Variants in CATSPERE observed in about 807,000 individuals in gnomAD.
CATSPERE encodes the protein cation channel sperm-associated auxiliary subunit epsilon.
In CATSPERE, 93 loss-of-function variants were observed where a neutral mutation model predicts 114.1. The observed-to-expected ratio is 0.81, with a 90% CI of 0.69 to 0.97. The LOEUF is 0.97. Ranked by LOEUF, CATSPERE falls within the 50% of genes least tolerant of loss-of-function variation. CATSPERE has a pLI of 0.00. For missense variants in CATSPERE, 1,058 were observed against 1,131.6 expected (o/e 0.93, Z 0.93); for synonymous variants, 341 against 384.1 (o/e 0.89, Z 1.31).
intron 19 of CATSPERE, among the ~76,000 whole-genome samples, chr1:244,614,846 A>G (rs1269951247): frequency 1.3e-5 from 2 of 152,084 alleles, no homozygotes; most frequent in African/African-American, 4.8e-5. Flanking sequence ...CATGTAATAT[A>G]TGCATGTAAA....
At position 244,562,817 on chromosome 1, in the gene CATSPERE, G is replaced by A. The variant is rs1379363245; in HGVS notation, c.1507+1672G>A. Among the ~76,000 whole-genome samples, 9 of 152,136 alleles carry A rather than the reference G, an allele frequency of 5.9e-5. No individual in the cohort carries two copies. The East Asian group carries it at 1.2e-3, about 20-fold the overall frequency. On this transcript the variant is annotated intron_variant, in intron 10 of 21. Coordinates refer to ENST00000366534, the MANE Select transcript of CATSPERE (RefSeq NM_001130957.2). ...TGTTACATAGGTATACACGTGCCATGGTGGTTGACTGCACCCAGCAACCTG... is the reference window on the plus strand; with the variant it reads ...TGTTACATAGGTATACACGTGCCATAGTGGTTGACTGCACCCAGCAACCTG...
chr1:244,595,854 A>C (rs1668333023), intron 17 of CATSPERE, among the ~76,000 whole-genome samples: 1 of 152,090 alleles, frequency 6.6e-6, no homozygotes. Context: ...AATGGCGTGA[A>C]CCCAGGAGGC....
intron 17 of CATSPERE, among the ~76,000 whole-genome samples, chr1:244,596,177 C>T (rs895836998): frequency 2.0e-5 from 3 of 152,146 alleles, no homozygotes; most frequent in Admixed American, 6.5e-5. Flanking sequence ...ACATTCCCAC[C>T]GGCACCATGA....
chr1:244,580,203 AT>A (rs1290475992), intron 11 of CATSPERE, among the ~76,000 whole-genome samples: 1 of 141,152 alleles, frequency 7.1e-6, no homozygotes, highest in Non-Finnish European at 1.5e-5. Flanking sequence ...TGCCTGGCTA[AT>A]TTTTGTATTT....
upstream of CATSPERE, chr1:244,451,974 C>T: frequency 2.8e-6 from 2 of 714,358 alleles, no homozygotes; most frequent in Non-Finnish European, 4.3e-6. This position sits in a 1 kb window ranked among gnomAD's most constrained non-coding sequence, Gnocchi z 6.6. Flanking sequence ...AGCCAGTCCC[C>T]GCCCCGCTCT....
At chr1:244,461,270 C>T, upstream of CATSPERE, 3 of 538,426 alleles carry the variant, frequency 5.6e-6, no homozygotes, top group Non-Finnish European at 8.5e-6. Flanking sequence ...CACGCGCACG[C>T]GCACACTTCT....
chr1:244,479,239 A>G (rs565764218), intron 4 of CATSPERE, among the ~76,000 whole-genome samples: 1 of 151,966 alleles, frequency 6.6e-6, no homozygotes, highest in East Asian at 2.0e-4. Flanking sequence ...GATTACAGGC[A>G]TGTGCCACCA....
chr1:244,490,333 T>C, intron 5 of CATSPERE, 114 bp from the exon 6 acceptor site: 1 of 640,482 alleles, frequency 1.6e-6, no homozygotes, highest in Non-Finnish European at 2.7e-6. Context: ...TATACCGTAA[T>C]GAAATATAAA....
chr1:244,502,580 C>G (rs1387522747), intron 7 of CATSPERE, among the ~76,000 whole-genome samples: 1 of 152,142 alleles, frequency 6.6e-6, no homozygotes, highest in South Asian at 2.1e-4. Flanking sequence ...GACACTGTTT[C>G]ACCGGCTCCT....
intron 7 of CATSPERE, among the ~76,000 whole-genome samples, chr1:244,515,852 T>G (rs1169860750): frequency 6.7e-6 from 1 of 149,888 alleles, no homozygotes; most frequent in Middle Eastern, 3.3e-3. Context: ...CTATTTAGTA[T>G]ATTTTAAAAT....
intron 21 of CATSPERE, among the ~76,000 whole-genome samples, chr1:244,638,531 T>C (rs1481499453): frequency 2.0e-5 from 3 of 152,204 alleles, no homozygotes. Context: ...TTAGCATCTA[T>C]ATACACATGG....
chr1:244,576,716 C>T lies in CATSPERE; in HGVS notation c.1950+3944C>T, dbSNP rs557357464. ...CAATTTCTTCTTAAAAACTGTGTAA[C>T]TCAAATGGCAGTTTCTGTTCCCCAC... On this transcript the variant is annotated intron_variant, in intron 11 of 21. Coordinates refer to ENST00000366534, the MANE Select transcript of CATSPERE (RefSeq NM_001130957.2). Among the ~76,000 whole-genome samples the T allele has an allele frequency of 3.1e-4, 47 of 152,116 alleles. 2 individuals are homozygous for T. In the South Asian group the frequency reaches 4.6e-3, roughly 15 times the overall value.
At chr1:244,475,192 A>G (rs898892020) in intron 2 of CATSPERE, among the ~76,000 whole-genome samples, 1 of 149,052 alleles carries the variant, frequency 6.7e-6, no homozygotes. Context: ...TTTTATTATC[A>G]TCTTACACTG....
intron 19 of CATSPERE, among the ~76,000 whole-genome samples, chr1:244,615,137 A>G (rs546347942): frequency 1.3e-5 from 2 of 151,616 alleles, no homozygotes; most frequent in Non-Finnish European, 2.9e-5. Flanking sequence ...TGTGCCTGTC[A>G]GCTTCTGGAA....
intron 19 of CATSPERE, among the ~76,000 whole-genome samples, chr1:244,613,875 C>A (rs531915959): frequency 1.3e-5 from 2 of 152,258 alleles, no homozygotes; most frequent in Admixed American, 6.5e-5. Context: ...GGCAGAGCCC[C>A]CATACATGGA....
chr1:244,453,967 G>A (rs1022637647), upstream of CATSPERE, among the ~76,000 whole-genome samples: 13 of 152,216 alleles, frequency 8.5e-5, no homozygotes, highest in Non-Finnish European at 1.2e-4. Context: ...TTTCAAGGAG[G>A]TTTCTCAGAA....
In CATSPERE at chr1:244,581,002, AAAT is replaced by A. The variant is rs375831371; in HGVS notation, c.1951-769_1951-767del. Among the ~76,000 whole-genome samples the A allele has an allele frequency of 2.4e-3, 366 of 150,984 alleles. 2 individuals carry two copies. Among genetic ancestry groups the A allele is most frequent in the African/African-American group, 8.0e-3 (329 of 41,036 alleles). On this transcript the variant is annotated intron_variant, in intron 11 of 21. Coordinates refer to ENST00000366534, the MANE Select transcript of CATSPERE (RefSeq NM_001130957.2). ...GGCGACAAGAGTGAAACTCCATCTCAAATAATAATAATAATAATAATAATAATT... is the reference window on the plus strand; with the variant it reads ...GGCGACAAGAGTGAAACTCCATCTCAAATAATAATAATAATAATAATAATT...
intron 17 of CATSPERE, among the ~76,000 whole-genome samples, chr1:244,596,638 T>G (rs1451783745): frequency 6.6e-6 from 1 of 152,004 alleles, no homozygotes; most frequent in Non-Finnish European, 1.5e-5. Context: ...GGGAGAGGAT[T>G]AGGACAAATA....
chr1:244,477,641 G>A (rs1477786193), intron 3 of CATSPERE, 27 bp downstream of exon 3: 1 of 1,362,732 alleles, frequency 7.3e-7, no homozygotes, highest in African/African-American at 1.4e-5. Flanking sequence ...GAATATCAAT[G>A]TATGTGTATA....
Sources: gnomAD v4.1 joint callset for allele counts (sites outside exome capture counted in the v4.1 genomes callset) on GRCh38, gnomAD v4.1.1 for gene constraint, Gnocchi (gnomAD v3.1) non-coding constraint, MANE v1.5 for transcripts, NCBI Gene and HGNC (gene_info 2026-07-23, HGNC 2026-07-21) for gene names.